The following ARHGEF6 variants were observed in gnomAD, a reference collection of about 807,000 sequenced individuals.
The protein encoded by ARHGEF6 is rho guanine nucleotide exchange factor 6.
Under a neutral mutation model 70.3 loss-of-function variants are expected in ARHGEF6, and 9 were observed. The ratio of observed to expected loss-of-function variants is 0.13; its 90% confidence interval spans 0.08 to 0.22. ARHGEF6 has a LOEUF of 0.22. Among genes scored for constraint, ARHGEF6 ranks in the 10% least tolerant of loss-of-function variants. The pLI is 1.00. For synonymous variants in ARHGEF6, 201 were observed against 207.8 expected (o/e 0.97, Z 0.28); for missense variants, 470 against 563.0 (o/e 0.83, Z 1.67).
intron 19 of ARHGEF6, among the ~76,000 whole-genome samples, chrX:136,673,863 G>A (rs536263486): frequency 6.5e-5 from 7 of 106,938 alleles, no homozygotes; most frequent in African/African-American, 2.1e-4. Context: ...CCCACCTCTC[G>A]TTCTCTTGTA....
intron 2 of ARHGEF6, among the ~76,000 whole-genome samples, chrX:136,777,420 A>AT (rs1000533025): frequency 2.3e-5 from 2 of 85,536 alleles, no homozygotes; most frequent in Non-Finnish European, 5.6e-5. Flanking sequence ...AATGGCCACA[A>AT]TTAAAAAAAA....
chrX:136,751,844 G>A (rs2077155007), intron 2 of ARHGEF6, among the ~76,000 whole-genome samples: 2 of 111,515 alleles, frequency 1.8e-5, no homozygotes, highest in Non-Finnish European at 3.8e-5. Flanking sequence ...TTGTTCTGGT[G>A]GTCTGAACAG....
At chrX:136,759,502 T>C (rs756338579) in intron 2 of ARHGEF6, among the ~76,000 whole-genome samples, 3 of 110,142 alleles carry the variant, frequency 2.7e-5, no homozygotes, top group Non-Finnish European at 5.7e-5. Context: ...TAGTGGCACA[T>C]GACTGTAATC....
At chrX:136,689,939 T>A (rs1358705981) in intron 10 of ARHGEF6, among the ~76,000 whole-genome samples, 1 of 111,779 alleles carries the variant, frequency 8.9e-6, no homozygotes, top group Non-Finnish European at 1.9e-5. Context: ...TATTCAATTA[T>A]CAGGCCTCAT....
intron 21 of ARHGEF6, 119 bp from the exon 22 acceptor site, chrX:136,668,288 C>T: frequency 5.7e-6 from 5 of 875,156 alleles, no homozygotes; most frequent in Non-Finnish European, 8.1e-6. Context: ...GACCTTCCCT[C>T]CCTCAGCATC....
At chrX:136,743,963 C>T (rs2077070042) in intron 4 of ARHGEF6, among the ~76,000 whole-genome samples, 177 bp from the exon 5 acceptor site, 1 of 111,916 alleles carries the variant, frequency 8.9e-6, no homozygotes, top group Admixed American at 9.4e-5. Flanking sequence ...TAATAAATCC[C>T]TCAAAACAGT....
chrX:136,708,182 G>A (rs139891012), intron 8 of ARHGEF6, among the ~76,000 whole-genome samples: 1,420 of 110,709 alleles, frequency 0.013, 21 homozygotes, highest in African/African-American at 0.043. Flanking sequence ...GTGTCTCCAG[G>A]GAGGGGACCA....
chrX:136,687,507 T>C (rs956447395), intron 11 of ARHGEF6, among the ~76,000 whole-genome samples: 2 of 112,322 alleles, frequency 1.8e-5, no homozygotes, highest in Non-Finnish European at 3.8e-5. Context: ...CCCTTTTAGA[T>C]TTGATGAAGG....
chrX:136,746,341 T>C (rs1603351616), intron 3 of ARHGEF6, among the ~76,000 whole-genome samples: 1 of 112,555 alleles, frequency 8.9e-6, no homozygotes, highest in African/African-American at 3.2e-5. Flanking sequence ...CTTTCAGCTA[T>C]ACGCCTTGCA....
chrX:136,767,314 C>G (rs1374913987), intron 2 of ARHGEF6: 9 of 753,446 alleles, frequency 1.2e-5, no homozygotes, highest in Non-Finnish European at 1.4e-5. Context: ...GGGACCCTGC[C>G]CTGAGCGCGG....
At chrX:136,692,037 G>T (rs1181429860) in intron 9 of ARHGEF6, among the ~76,000 whole-genome samples, 1 of 111,194 alleles carries the variant, frequency 9.0e-6, no homozygotes, top group African/African-American at 3.3e-5. Context: ...CTAGGAGGCT[G>T]GAAACAGAGC....
intron 6 of ARHGEF6, among the ~76,000 whole-genome samples, chrX:136,714,764 T>C (rs778762470): frequency 1.9e-4 from 21 of 111,645 alleles, no homozygotes; most frequent in Middle Eastern, 9.1e-3. Flanking sequence ...CTGACTCTGC[T>C]GCTGACTGAG....
chrX:136,687,112 C>CTGT (rs928909793), intron 11 of ARHGEF6, among the ~76,000 whole-genome samples: 1 of 111,490 alleles, frequency 9.0e-6, no homozygotes, highest in African/African-American at 3.3e-5. Flanking sequence ...TTTCACTGGG[C>CTGT]TGTTCTATTA....
chrX:136,736,730 G>A (rs776933993), intron 5 of ARHGEF6, among the ~76,000 whole-genome samples: 3 of 109,685 alleles, frequency 2.7e-5, no homozygotes, highest in Non-Finnish European at 5.7e-5. Flanking sequence ...CTCTGAAATC[G>A]GCCTCCTCTC....
chrX:136,725,015 C>T (rs1189946585), intron 6 of ARHGEF6, among the ~76,000 whole-genome samples: 5 of 111,950 alleles, frequency 4.5e-5, no homozygotes, highest in Non-Finnish European at 9.4e-5. Context: ...ATTGAAATAG[C>T]CTTAATATTT....
chrX:136,667,990 T>C lies in ARHGEF6; in HGVS notation c.*39A>G. On this transcript the variant is annotated 3_prime_UTR_variant, in exon 22 of 22. Coordinates refer to ENST00000250617, the MANE Select transcript of ARHGEF6 (RefSeq NM_004840.3). ...AATCATTCAGCGGGACATTTCAAGATGCCCTGAAGGCACACTCCACCCAGT... is the reference window on the plus strand; with the variant it reads ...AATCATTCAGCGGGACATTTCAAGACGCCCTGAAGGCACACTCCACCCAGT... 1 of 1,208,551 alleles carries C rather than the reference T, an allele frequency of 8.3e-7. No homozygotes were observed. The highest frequency in any genetic ancestry group is 1.1e-6 in the Non-Finnish European group (1 of 892,908).
intron 7 of ARHGEF6, among the ~76,000 whole-genome samples, chrX:136,712,426 AT>A (rs1217008882): frequency 1.8e-5 from 2 of 112,463 alleles, no homozygotes; most frequent in East Asian, 5.6e-4. Context: ...AATTTCTCAA[AT>A]ATATTAACTT....
At chrX:136,669,051 C>T (rs1021102612) in intron 21 of ARHGEF6, among the ~76,000 whole-genome samples, 11 of 111,481 alleles carry the variant, frequency 9.9e-5, no homozygotes, top group Middle Eastern at 4.7e-3. Context: ...TCTCTCCCCT[C>T]GCATCCATCC....
In ARHGEF6 at chrX:136,707,126, G is replaced by A. The variant is rs2076634561; in HGVS notation, c.924-96C>T. ...AAACCTGGCAGCATGAAAGCCTTCT[G>A]AATATTTTGCCAAGGTTAAAAGAGA... On this transcript the variant is annotated intron_variant, in intron 8 of 21. Coordinates refer to ENST00000250617, the MANE Select transcript of ARHGEF6 (RefSeq NM_004840.3). The A allele has an allele frequency of 2.8e-6, 3 of 1,054,833 alleles. No individual in the cohort carries two copies. In the East Asian group the frequency reaches 9.1e-5, roughly 32 times the overall value. 86.9% of individuals were successfully genotyped at this position (1,054,833 alleles called of 1,213,427 possible).
Sources: allele counts gnomAD v4.1 joint callset (sites outside exome capture counted in the v4.1 genomes callset), GRCh38; gene constraint gnomAD v4.1.1; transcripts MANE v1.5; gene names NCBI Gene and HGNC (gene_info 2026-07-23, HGNC 2026-07-21).